The following MAD1L1 variants were observed in gnomAD, a reference collection of about 807,000 sequenced individuals.
MAD1L1 encodes the protein mitotic arrest deficient 1 like 1.
MAD1L1 carries 95 observed loss-of-function variants against 96.9 expected under a neutral mutation model. The observed-to-expected ratio is 0.98, with a 90% CI of 0.83 to 1.16. The LOEUF is 1.16. MAD1L1 is among the 50% of genes most tolerant of loss of function. The pLI is 0.00. For missense variants in MAD1L1, 1,007 were observed against 954.4 expected (o/e 1.06, Z -0.73); for synonymous variants, 473 against 396.6 (o/e 1.19, Z -2.29).
rs1012991866 is a variant in MAD1L1, at chr7:2,200,781, G to A, written c.986+12431C>T. ...CACGGCCCCCCTGCAGCCACTGAGC[G>A]TGCAAAGGCTGGTCCACCCTTCGGC... On this transcript the variant is annotated intron_variant, in intron 10 of 18. Coordinates refer to ENST00000265854, the MANE Select transcript of MAD1L1 (RefSeq NM_001013836.2). 1.3e-4 allele frequency among the ~76,000 whole-genome samples: 20 copies of A among 152,324 alleles called. No homozygotes were observed. The South Asian group carries it at 1.7e-3, about 13-fold the overall frequency.
At chr7:2,041,101 C>T (rs1023712316) in intron 12 of MAD1L1, among the ~76,000 whole-genome samples, 11 of 152,194 alleles carry the variant, frequency 7.2e-5, no homozygotes, top group African/African-American at 2.7e-4. Flanking sequence ...TGAGCTACAG[C>T]ACCCCCAGAG....
chr7:2,196,024 C>T (rs1020454002), intron 10 of MAD1L1, among the ~76,000 whole-genome samples: 1 of 152,276 alleles, frequency 6.6e-6, no homozygotes, highest in Non-Finnish European at 1.5e-5. Context: ...GATCCAGCTG[C>T]ATGGCACCAT....
chr7:2,219,759 C>G (rs904606436), intron 5 of MAD1L1, among the ~76,000 whole-genome samples: 6 of 152,074 alleles, frequency 3.9e-5, no homozygotes, highest in South Asian at 2.1e-4. Context: ...GTCAGGCAGA[C>G]GCTCACACGC....
chr7:2,112,762 G>A (rs1003405605), intron 11 of MAD1L1, among the ~76,000 whole-genome samples: 2 of 151,964 alleles, frequency 1.3e-5, no homozygotes, highest in Non-Finnish European at 2.9e-5. Flanking sequence ...AGCAGCACTC[G>A]GCAACAAGAG....
chr7:1,916,195 G>A (rs989860259), intron 17 of MAD1L1, among the ~76,000 whole-genome samples: 10 of 152,164 alleles, frequency 6.6e-5, no homozygotes, highest in Admixed American at 6.5e-5. Context: ...ACATGCAAAC[G>A]GGTGAAGCCG....
chr7:2,201,608 T>A (rs1792304112), intron 10 of MAD1L1, among the ~76,000 whole-genome samples: 1 of 152,176 alleles, frequency 6.6e-6, no homozygotes, highest in Admixed American at 6.5e-5. Context: ...AAGAGACCTA[T>A]AAGTAGAAGA....
intron 18 of MAD1L1, among the ~76,000 whole-genome samples, chr7:1,886,967 A>G (rs1421163450): frequency 1.3e-5 from 2 of 152,274 alleles, no homozygotes; most frequent in African/African-American, 4.8e-5. Context: ...CCTGGTGAGA[A>G]GGCTTCAGGG....
chr7:1,819,482 C>G (rs1181767808), intron 18 of MAD1L1, among the ~76,000 whole-genome samples: 2 of 152,192 alleles, frequency 1.3e-5, no homozygotes, highest in Non-Finnish European at 2.9e-5. Context: ...TCACCTGCCC[C>G]TCTGGAAGCA....
chr7:2,030,739 T>C (rs1032877317), intron 12 of MAD1L1, among the ~76,000 whole-genome samples: 11 of 152,232 alleles, frequency 7.2e-5, no homozygotes, highest in Non-Finnish European at 4.4e-5. Context: ...ATGACCAGGT[T>C]TTGAAGGGCA....
intron 11 of MAD1L1, among the ~76,000 whole-genome samples, chr7:2,112,356 G>A (rs1367570739): frequency 1.3e-5 from 2 of 152,256 alleles, no homozygotes; most frequent in East Asian, 3.9e-4. Flanking sequence ...GCTCTAAGCG[G>A]TAAACCTAAG....
chr7:2,049,536 G>A (rs545671990), intron 12 of MAD1L1, among the ~76,000 whole-genome samples: 2 of 152,208 alleles, frequency 1.3e-5, no homozygotes, highest in Admixed American at 6.5e-5. Context: ...TCAAAGAGGC[G>A]GTAGGAGGAA....
intron 15 of MAD1L1, among the ~76,000 whole-genome samples, chr7:1,959,208 C>T (rs1191088531): frequency 6.6e-6 from 1 of 152,136 alleles, no homozygotes; most frequent in Non-Finnish European, 1.5e-5. Flanking sequence ...GCCAAGATCA[C>T]CCCAGTGCAC....
chr7:2,168,892 C>A (rs936291661), intron 10 of MAD1L1, among the ~76,000 whole-genome samples: 1 of 152,122 alleles, frequency 6.6e-6, no homozygotes, highest in African/African-American at 2.4e-5. Flanking sequence ...GTGGCTGAAG[C>A]GGGAGGAACA....
chr7:2,060,154 C>T (rs552952835), intron 12 of MAD1L1, among the ~76,000 whole-genome samples: 21 of 149,754 alleles, frequency 1.4e-4, no homozygotes, highest in East Asian at 3.9e-4. Context: ...TGCCAAGATA[C>T]GCCGAAGCCG....
At chr7:2,078,614 C>A (rs999494411) in intron 11 of MAD1L1, among the ~76,000 whole-genome samples, 2 of 152,234 alleles carry the variant, frequency 1.3e-5, no homozygotes, top group African/African-American at 4.8e-5. Flanking sequence ...GGAGGCCGAG[C>A]CTCCTGAGCA....
intron 9 of MAD1L1, among the ~76,000 whole-genome samples, chr7:2,215,037 G>A (rs1793187509): frequency 1.3e-5 from 2 of 152,070 alleles, no homozygotes; most frequent in African/African-American, 4.8e-5. Flanking sequence ...TTCAGGACCA[G>A]CCTAGGCAAC....
At chr7:1,883,747 T>C (rs1444884356) in intron 18 of MAD1L1, among the ~76,000 whole-genome samples, 2 of 152,180 alleles carry the variant, frequency 1.3e-5, no homozygotes, top group African/African-American at 4.8e-5. Context: ...GAGGGCAGTC[T>C]GTGTGCCCCA....
chr7:2,063,026 T>A (rs1784728528), intron 12 of MAD1L1, among the ~76,000 whole-genome samples: 1 of 152,034 alleles, frequency 6.6e-6, no homozygotes, highest in Admixed American at 6.5e-5. Context: ...ATACACACAA[T>A]TAAACTAGAA....
intron 11 of MAD1L1, among the ~76,000 whole-genome samples, chr7:2,138,616 GGCCACACC>G (rs1438895118): frequency 6.6e-6 from 1 of 152,194 alleles, no homozygotes; most frequent in Admixed American, 6.5e-5. Flanking sequence ...CCGCTCTCAA[GGCCACACC>G]GCCATCGCCT....
Sources: allele counts gnomAD v4.1 joint callset (sites outside exome capture counted in the v4.1 genomes callset), GRCh38; gene constraint gnomAD v4.1.1; transcripts MANE v1.5; gene names NCBI Gene and HGNC (gene_info 2026-07-23, HGNC 2026-07-21).